FBN1: variants seen among roughly 807,000 people sequenced by gnomAD.
FBN1 encodes fibrillin 1.
In FBN1, 29 loss-of-function variants were observed where a neutral mutation model predicts 365.1. The ratio of observed to expected loss-of-function variants is 0.08; its 90% CI spans 0.06 to 0.11. The LOEUF is 0.11. FBN1 is among the 10% of genes least tolerant of loss of function. The pLI, the probability that FBN1 is intolerant of heterozygous loss-of-function variation, is 1.00. For synonymous variants in FBN1, 1,210 were observed against 1,270.5 expected (o/e 0.95, Z 1.01); for missense variants, 2,476 against 3,703.2 (o/e 0.67, Z 8.60).
intron 6 of FBN1, among the ~76,000 whole-genome samples, chr15:48,592,334 T>A (rs1566933993): frequency 6.6e-6 from 1 of 152,138 alleles, no homozygotes; most frequent in Non-Finnish European, 1.5e-5. Context: ...AAAAGTCTCA[T>A]CCACTCATAT....
intron 25 of FBN1, 34 bp downstream of exon 25, chr15:48,489,817 G>A (rs2141296941): frequency 1.9e-6 from 3 of 1,541,158 alleles, no homozygotes; most frequent in Admixed American, 1.7e-5. Context: ...TCTAAAAAGG[G>A]AGGCAATTGG....
intron 4 of FBN1, among the ~76,000 whole-genome samples, chr15:48,600,982 T>C (rs1361959819): frequency 6.6e-6 from 1 of 151,968 alleles, no homozygotes; most frequent in South Asian, 2.1e-4. Context: ...AGAGGCAGAA[T>C]AGAGAAAAAA....
Position 48,495,136 on chromosome 15 carries a change from G to A in FBN1, c.2664C>T (p.Thr888=), listed in dbSNP as rs1597568804. Residue 888 remains threonine (T), a synonymous_variant, in exon 22 of 66, where the codon ACC becomes ACT. Transcript: ENST00000316623. Reference sequence around the variant, plus strand: ...GGTTTCTCTTACCAACTTGGCATAGGGTGCACGGGCTTCCCCACGCAGCAC... The same window carrying A: ...GGTTTCTCTTACCAACTTGGCATAGAGTGCACGGGCTTCCCCACGCAGCAC... ...SLGAAWGSPC[T]LCQVDPICGK... 1.9e-6 allele frequency: 3 copies of A among 1,614,094 alleles called. No homozygotes were observed. The highest frequency in any genetic ancestry group is 2.5e-6 in the Non-Finnish European group (3 of 1,179,996).
intron 44 of FBN1, among the ~76,000 whole-genome samples, chr15:48,453,303 A>ACAC (rs1490059503): frequency 2.1e-5 from 3 of 140,684 alleles, no homozygotes; most frequent in African/African-American, 8.3e-5. Flanking sequence ...ACAAAAAAAA[A>ACAC]ACACACACAA....
intron 9 of FBN1, among the ~76,000 whole-genome samples, chr15:48,524,348 C>T (rs1451156751): frequency 6.6e-6 from 1 of 152,176 alleles, no homozygotes; most frequent in African/African-American, 2.4e-5. Flanking sequence ...CCACTATCTA[C>T]ATAGGAGGTT....
intron 44 of FBN1, among the ~76,000 whole-genome samples, chr15:48,453,601 C>T (rs1182212580): frequency 6.6e-6 from 1 of 152,008 alleles, no homozygotes; most frequent in Non-Finnish European, 1.5e-5. Flanking sequence ...TTTTTCCAAA[C>T]CCATAGAATG....
At position 48,557,676 on chromosome 15, in the gene FBN1, G is replaced by A. The variant is rs531793498; in HGVS notation, c.539-19868C>T. Among the ~76,000 whole-genome samples the A allele has an allele frequency of 7.2e-5, 11 of 152,296 alleles. 1 individual carries two copies. Among genetic ancestry groups the A allele is most frequent in the African/African-American group, 2.6e-4 (11 of 41,562 alleles). Reference sequence around the variant, plus strand: ...CAAGATAGGTCCAGGTTGGGGAAGGGAAGAGAAAACGATGAGATGAAGGTT... The same window carrying A: ...CAAGATAGGTCCAGGTTGGGGAAGGAAAGAGAAAACGATGAGATGAAGGTT... On this transcript the variant is annotated intron_variant, in intron 6 of 65. Transcript: ENST00000316623.
chr15:48,452,559 T>C lies in FBN1; in HGVS notation c.5545+3A>G. On this transcript the variant is annotated splice_donor_region_variant and intron_variant, in intron 45 of 65. Coordinates refer to ENST00000316623, the MANE Select transcript of FBN1 (RefSeq NM_000138.5). ...CATGTCCAGCCTGTGGGGCACTACA[T>C]ACCATTGCACTGTCCTGTGGAGGTG... The C allele has an allele frequency of 6.2e-7, 1 of 1,614,010 alleles. No individual in the cohort carries two copies. The highest frequency in any genetic ancestry group is 8.5e-7 in the Non-Finnish European group (1 of 1,179,992).
At chr15:48,500,237 C>T (rs2043643041) in intron 17 of FBN1, among the ~76,000 whole-genome samples, 1 of 151,840 alleles carries the variant, frequency 6.6e-6, no homozygotes, top group South Asian at 2.1e-4. Flanking sequence ...AACAAGAAAA[C>T]CAAAATCATA....
At chr15:48,488,741 G>A (rs1597564525) in intron 25 of FBN1, among the ~76,000 whole-genome samples, 2 of 152,204 alleles carry the variant, frequency 1.3e-5, no homozygotes, top group East Asian at 1.9e-4. Context: ...GACTTCTAGG[G>A]CCCAGCACAC....
rs1049986137 is a variant in FBN1, at chr15:48,615,150, C to T, written c.165-2058G>A. 2.0e-4 allele frequency among the ~76,000 whole-genome samples: 31 copies of T among 152,200 alleles called. 1 individual carries two copies. The highest frequency in any genetic ancestry group is 2.0e-3 in the Admixed American group (30 of 15,276). ...CAATCCAGGCCAAAGTCAACCACCT[C>T]AAACCTTCTCCAGCAACAGCCCATT... On this transcript the variant is annotated intron_variant, in intron 2 of 65. Coordinates refer to ENST00000316623, the MANE Select transcript of FBN1 (RefSeq NM_000138.5).
intron 65 of FBN1, 79 bp from the exon 66 acceptor site, chr15:48,411,458 A>T: frequency 1.5e-6 from 2 of 1,305,876 alleles, no homozygotes; most frequent in East Asian, 4.6e-5. Flanking sequence ...AAATGACTCA[A>T]ATTTCACACT....
At position 48,448,758 on chromosome 15, in the gene FBN1, G is replaced by A. The variant is rs2043178218; in HGVS notation, c.5671+10C>T. 1.2e-6 allele frequency: 2 copies of A among 1,610,476 alleles called. No individual in the cohort carries two copies. The highest frequency in any genetic ancestry group is 2.2e-5 in the South Asian group (2 of 90,942). On this transcript the variant is annotated intron_variant, in intron 46 of 65. Coordinates refer to ENST00000316623, the MANE Select transcript of FBN1 (RefSeq NM_000138.5). ...GCATATGAAAAAAATAATAATAATT[G>A]CATACTTACCCAAGCACATGGTTTG...
chr15:48,412,226 T>C (rs1344099082), intron 65 of FBN1, among the ~76,000 whole-genome samples: 1 of 152,238 alleles, frequency 6.6e-6, no homozygotes, highest in Non-Finnish European at 1.5e-5. Flanking sequence ...GGCATTCCTA[T>C]GTAGGGAGCA....
At position 48,425,765 on chromosome 15, in the gene FBN1, G is replaced by A; in HGVS notation, c.7304C>T (p.Pro2435Leu). The change falls in exon 59 of 66, where the codon CCA becomes CTA. Residue 2435 changes from proline (P) to leucine (L), a missense_variant. By Grantham distance (98) the Pro-to-Leu change is moderately conservative (BLOSUM62 -3). Around this residue, in one of 5 missense-constraint regions of FBN1, gnomAD observed 1,780 missense variants for 2,840.8 expected, o/e 0.63. Transcript: ENST00000316623. ...TACACAGGAAGTCCCAGTTATATCT[G>A]GAGTGTACCCAGTTTTACAAATGCA... is the stretch of plus-strand genomic sequence containing the variant. ...YHCICKTGYT[P>L]DITGTSCVDL... The A allele has an allele frequency of 6.2e-7, 1 of 1,613,254 alleles. No homozygotes were observed. Among genetic ancestry groups the A allele is most frequent in the Non-Finnish European group, 8.5e-7 (1 of 1,179,424 alleles).
chr15:48,417,402 T>G, intron 63 of FBN1, among the ~76,000 whole-genome samples: 2 of 148,666 alleles, frequency 1.3e-5, no homozygotes, highest in Admixed American at 6.7e-5. Flanking sequence ...CCTTCTCTCC[T>G]TCCCTTTCTT....
chr15:48,481,600 T>C, intron 32 of FBN1, 55 bp downstream of exon 32: 2 of 1,568,178 alleles, frequency 1.3e-6, no homozygotes, highest in East Asian at 4.5e-5. Context: ...TCTATAATTA[T>C]GATACCAATC....
intron 36 of FBN1, 120 bp from the exon 37 acceptor site, chr15:48,468,654 C>G: frequency 3.1e-6 from 3 of 980,258 alleles, no homozygotes; most frequent in Non-Finnish European, 4.7e-6. Context: ...CTAGTTATAA[C>G]TACATCTAGA....
chr15:48,421,784 A>G lies in FBN1; in HGVS notation c.7571-98T>C, dbSNP rs1487905705. The G allele has an allele frequency of 2.1e-6, 3 of 1,436,106 alleles. No individual in the cohort carries two copies. In the East Asian group the frequency reaches 7.1e-5, roughly 34 times the overall value. 89.0% of individuals were successfully genotyped at this position (1,436,106 alleles called of 1,614,324 possible). A position where few individuals can be genotyped will look rare whatever the true frequency, so the allele number is the denominator to read the frequency against. On this transcript the variant is annotated intron_variant, in intron 61 of 65. Transcript: ENST00000316623. ...TAGAAGGATAACTCGGAAAAGGCCA[A>G]ATAAGGCCAACAACGCTTCACATAC...
Sources: allele counts gnomAD v4.1 joint callset (sites outside exome capture counted in the v4.1 genomes callset), GRCh38; gene constraint gnomAD v4.1.1; regional missense constraint gnomAD v4.1.1; transcripts MANE v1.5; gene names NCBI Gene and HGNC (gene_info 2026-07-23, HGNC 2026-07-21).